The following CLOCK variants were observed in gnomAD, a reference collection of about 807,000 sequenced individuals.
The protein encoded by CLOCK is circadian locomoter output cycles protein kaput.
CLOCK carries 43 observed loss-of-function variants against 118.4 expected under a neutral mutation model. That is an observed-to-expected ratio of 0.36 (90% confidence interval 0.28 to 0.47). The LOEUF (loss-of-function observed/expected upper bound fraction) is 0.47, where lower values mean the gene tolerates loss of function less well. Ranked by LOEUF, CLOCK falls within the 20% of genes least tolerant of loss-of-function variation. The pLI, the probability that CLOCK is intolerant of heterozygous loss-of-function variation, is 1.00. For synonymous variants in CLOCK, 326 were observed against 339.2 expected (o/e 0.96, Z 0.43); for missense variants, 846 against 999.9 (o/e 0.85, Z 2.08).
intron 1 of CLOCK, among the ~76,000 whole-genome samples, chr4:55,516,530 CG>C (rs1729525974): frequency 6.7e-6 from 1 of 149,588 alleles, no homozygotes. Context: ...TGCTTTCTTT[CG>C]GTTAGTGTTA....
chr4:55,528,483 T>TG (rs1330171346), intron 1 of CLOCK, among the ~76,000 whole-genome samples: 4 of 152,172 alleles, frequency 2.6e-5, no homozygotes, highest in Non-Finnish European at 5.9e-5. Flanking sequence ...TAAACACTCA[T>TG]GTTTGCCGCC....
At chr4:55,524,552 T>C (rs1362696877) in intron 1 of CLOCK, among the ~76,000 whole-genome samples, 1 of 152,336 alleles carries the variant, frequency 6.6e-6, no homozygotes, top group East Asian at 1.9e-4. Context: ...ATTCACCTAT[T>C]ATATGAATAA....
chr4:55,506,898 T>TG (rs1391769729), intron 2 of CLOCK, among the ~76,000 whole-genome samples: 1 of 152,084 alleles, frequency 6.6e-6, no homozygotes, highest in East Asian at 1.9e-4. Flanking sequence ...AATGAGGAGG[T>TG]TTCCAGGTTT....
In CLOCK at chr4:55,546,826, C is replaced by G. The variant is rs1731671625; in HGVS notation, c.-334G>C. ...GGCGGCCAGATTTCCTTCGCGCTCTCGCTCTCCGGGGTTTCCTTTTTTAAA... is the reference window on the plus strand; with the variant it reads ...GGCGGCCAGATTTCCTTCGCGCTCTGGCTCTCCGGGGTTTCCTTTTTTAAA... On this transcript the variant is annotated 5_prime_UTR_variant, in exon 1 of 23. Transcript: ENST00000513440. 6.6e-6 allele frequency: 1 copy of G among 152,256 alleles called. No individual in the cohort carries two copies. The highest frequency in any genetic ancestry group is 1.5e-5 in the Non-Finnish European group (1 of 68,118). The allele number at this position is 152,256 out of a possible 1,614,324, so 9.4% of individuals were successfully genotyped here.
At chr4:55,472,863 A>C (rs544559933) in intron 7 of CLOCK, among the ~76,000 whole-genome samples, 1 of 152,246 alleles carries the variant, frequency 6.6e-6, no homozygotes, top group African/African-American at 2.4e-5. Flanking sequence ...TTGTCATTCG[A>C]GCAAACTCAT....
chr4:55,489,517 T>C (rs1727531408), intron 2 of CLOCK, 52 bp from the exon 3 acceptor site: 1 of 152,084 alleles, frequency 6.6e-6, no homozygotes, highest in Admixed American at 6.6e-5. Flanking sequence ...TAGAAGTTTA[T>C]CATTAAAAGG....
rs1012339984 is a variant in CLOCK, at chr4:55,524,242, C to A, written c.-289-14177G>T. 4.2e-3 allele frequency among the ~76,000 whole-genome samples: 629 copies of A among 150,696 alleles called. 5 individuals are homozygous for A. Among genetic ancestry groups the A allele is most frequent in the African/African-American group, 0.014 (568 of 40,916 alleles). On this transcript the variant is annotated intron_variant, in intron 1 of 22. Transcript: ENST00000513440. Reference sequence around the variant, plus strand: ...CGTCTCTACTAAAAATACACACACACACAAAAAAAATTAGCTGAGCATGGT... The same window carrying A: ...CGTCTCTACTAAAAATACACACACAAACAAAAAAAATTAGCTGAGCATGGT...
At chr4:55,448,591 CGCACGCGCGCGTGTGTGTGTGTGTGTGT>C (rs1241239367) in intron 18 of CLOCK, among the ~76,000 whole-genome samples, 160 bp downstream of exon 18, 2 of 81,048 alleles carry the variant, frequency 2.5e-5, no homozygotes, top group African/African-American at 8.1e-5. Flanking sequence ...TGTGCGCGCG[CGCACGCGCGCGTGTGTGTGTGTGTGTGT>C]GTGTGTGTGT....
intron 1 of CLOCK, among the ~76,000 whole-genome samples, chr4:55,514,804 G>C (rs1018169140): frequency 2.0e-5 from 3 of 152,024 alleles, no homozygotes; most frequent in Non-Finnish European, 4.4e-5. Context: ...GGGGATTTTT[G>C]CATTTATGTT....
intron 2 of CLOCK, among the ~76,000 whole-genome samples, chr4:55,490,337 T>C (rs902625354): frequency 3.9e-5 from 6 of 152,042 alleles, no homozygotes; most frequent in South Asian, 4.1e-4. Flanking sequence ...TATATATATA[T>C]ACACCCAACA....
At chr4:55,496,471 T>G (rs1012826582) in intron 2 of CLOCK, among the ~76,000 whole-genome samples, 1 of 152,228 alleles carries the variant, frequency 6.6e-6, no homozygotes, top group Non-Finnish European at 1.5e-5. Context: ...ACTCTAGCCT[T>G]CCTTTTGACC....
At chr4:55,487,528 A>G (rs1192704252) in intron 3 of CLOCK, among the ~76,000 whole-genome samples, 3 of 152,056 alleles carry the variant, frequency 2.0e-5, no homozygotes, top group South Asian at 2.1e-4. Context: ...TAACCCTTCT[A>G]TTTTTAACAT....
At chr4:55,453,339 C>A in intron 14 of CLOCK, 2 of 528,350 alleles carry the variant, frequency 3.8e-6, no homozygotes, top group Non-Finnish European at 6.7e-6. Flanking sequence ...TGTAAACGAT[C>A]CATAACCACA....
chr4:55,545,092 T>A (rs1731526466), intron 1 of CLOCK, among the ~76,000 whole-genome samples: 1 of 151,930 alleles, frequency 6.6e-6, no homozygotes, highest in South Asian at 2.1e-4. Flanking sequence ...TACTTTAAGT[T>A]CTAGGGTACA....
At chr4:55,536,296 A>ACATAATTT (rs1730886073) in intron 1 of CLOCK, among the ~76,000 whole-genome samples, 1 of 152,184 alleles carries the variant, frequency 6.6e-6, no homozygotes, top group Admixed American at 6.5e-5. Context: ...CCCAGCCTCC[A>ACATAATTT]CATAATTTAA....
At chr4:55,475,799 G>A (rs1726472514) in intron 7 of CLOCK, among the ~76,000 whole-genome samples, 164 bp downstream of exon 7, 1 of 152,016 alleles carries the variant, frequency 6.6e-6, no homozygotes, top group Non-Finnish European at 1.5e-5. Context: ...TAGACTACAG[G>A]GAAACAAAAC....
At chr4:55,516,697 G>A (rs1240956034) in intron 1 of CLOCK, among the ~76,000 whole-genome samples, 2 of 152,144 alleles carry the variant, frequency 1.3e-5, no homozygotes, top group African/African-American at 4.8e-5. Flanking sequence ...CATTTAAAGT[G>A]ATCATTGATA....
chr4:55,506,722 G>C (rs967231345), intron 2 of CLOCK, among the ~76,000 whole-genome samples: 1 of 151,950 alleles, frequency 6.6e-6, no homozygotes, highest in African/African-American at 2.4e-5. Context: ...ACCACACCTG[G>C]CTAATTTTTT....
At chr4:55,472,258 A>C (rs1325872451) in intron 7 of CLOCK, among the ~76,000 whole-genome samples, 1 of 152,242 alleles carries the variant, frequency 6.6e-6, no homozygotes, top group Admixed American at 6.5e-5. Context: ...TTATGTTAAC[A>C]GGAAGGCAAG....
Sources: gnomAD v4.1 joint callset for allele counts (sites outside exome capture counted in the v4.1 genomes callset) on GRCh38, gnomAD v4.1.1 for gene constraint, MANE v1.5 for transcripts, NCBI Gene and HGNC (gene_info 2026-07-23, HGNC 2026-07-21) for gene names.